Variants in ROBO1 observed in about 807,000 individuals in gnomAD.
The protein encoded by ROBO1 is roundabout guidance receptor 1.
Under a neutral mutation model 195.9 loss-of-function variants are expected in ROBO1, and 149 were observed. The observed-to-expected ratio is 0.76, with a 90% confidence interval of 0.67 to 0.87. The LOEUF is 0.87. Ranked by LOEUF, ROBO1 falls within the 40% of genes least tolerant of loss-of-function variation. ROBO1 has a pLI of 0.00. For missense variants in ROBO1, 1,933 were observed against 2,068.3 expected, an observed-to-expected ratio of 0.93 and a Z score of 1.27; for synonymous variants, 816 against 733.2, an observed-to-expected ratio of 1.11 and a Z score of -1.82.
chr3:78,796,966 C>T (rs1299641701), intron 4 of ROBO1, among the ~76,000 whole-genome samples: 1 of 152,168 alleles, frequency 6.6e-6, no homozygotes, highest in East Asian at 1.9e-4. Context: ...ATCTTTCTAT[C>T]TCTTGTACTC....
At chr3:78,958,819 C>CTTTTTT (rs753439088) in intron 3 of ROBO1, among the ~76,000 whole-genome samples, 4 of 130,606 alleles carry the variant, frequency 3.1e-5, no homozygotes, top group Admixed American at 7.9e-5. Flanking sequence ...CTTTCTTCTT[C>CTTTTTT]TTTTTTTTTT....
intron 4 of ROBO1, among the ~76,000 whole-genome samples, chr3:78,850,020 T>G (rs1313897328): frequency 1.3e-5 from 2 of 152,182 alleles, no homozygotes; most frequent in Non-Finnish European, 2.9e-5. Context: ...TGTGTTACAA[T>G]TACCTACGGT....
chr3:79,236,864 G>C (rs921165544), intron 2 of ROBO1, among the ~76,000 whole-genome samples: 4 of 152,142 alleles, frequency 2.6e-5, no homozygotes, highest in African/African-American at 4.8e-5. Flanking sequence ...AAGAATAGTG[G>C]ATAAGAGTTC....
chr3:79,601,807 A>G lies in ROBO1; in HGVS notation c.-50-11846T>C, dbSNP rs139241545. On this transcript the variant is annotated intron_variant, in intron 1 of 30. Coordinates refer to ENST00000464233, the MANE Select transcript of ROBO1 (RefSeq NM_002941.4). ...TCACATTTGCTTTCATTTTGTACACAAATTAATTTCAAACACACTGCCTTG... is the reference window on the plus strand; with the variant it reads ...TCACATTTGCTTTCATTTTGTACACGAATTAATTTCAAACACACTGCCTTG... Among the ~76,000 whole-genome samples, 199 of 152,066 alleles carry G rather than the reference A, an allele frequency of 1.3e-3. 3 individuals are homozygous for G. The East Asian group carries it at 0.035, about 27-fold the overall frequency.
At chr3:78,733,162 C>G (rs2082320061) in intron 5 of ROBO1, among the ~76,000 whole-genome samples, 1 of 151,902 alleles carries the variant, frequency 6.6e-6, no homozygotes, top group Non-Finnish European at 1.5e-5. Flanking sequence ...CTTTGAGAGA[C>G]AATATTTAAA....
intron 4 of ROBO1, among the ~76,000 whole-genome samples, chr3:78,771,680 A>C (rs375298): frequency 0.97 from 147,303 of 152,210 alleles, 71,456 homozygotes; most frequent in East Asian, 1. Context: ...AGACTGCATT[A>C]TTCATTTGGC....
intron 2 of ROBO1, among the ~76,000 whole-genome samples, chr3:79,127,128 C>CA (rs2080230566): frequency 1.3e-5 from 2 of 152,072 alleles, no homozygotes; most frequent in African/African-American, 4.8e-5. Context: ...ATAGATGCTG[C>CA]AAGTGATAAG....
chr3:78,659,918 CTTTTTT>C (rs76880412), intron 16 of ROBO1, 111 bp from the exon 17 acceptor site: 9,597 of 396,630 alleles, frequency 0.024, no homozygotes, highest in South Asian at 0.039. Flanking sequence ...TCAATATATG[CTTTTTT>C]TTTTTTTTTT....
intron 4 of ROBO1, among the ~76,000 whole-genome samples, chr3:78,872,048 G>A (rs1334876392): frequency 6.6e-6 from 1 of 152,168 alleles, no homozygotes; most frequent in Non-Finnish European, 1.5e-5. Flanking sequence ...TTTAGGTTGA[G>A]TCTAGGTCTC....
At chr3:79,143,302 T>C (rs990268650) in intron 2 of ROBO1, among the ~76,000 whole-genome samples, 1 of 152,082 alleles carries the variant, frequency 6.6e-6, no homozygotes, top group African/African-American at 2.4e-5. Flanking sequence ...CTGGTAAAAC[T>C]GCTTGCTTAC....
intron 2 of ROBO1, among the ~76,000 whole-genome samples, chr3:79,351,684 T>G (rs2035347716): frequency 6.6e-6 from 1 of 152,174 alleles, no homozygotes; most frequent in South Asian, 2.1e-4. Context: ...GACTATTTGT[T>G]GTTGCAAGTT....
intron 1 of ROBO1, among the ~76,000 whole-genome samples, chr3:79,654,647 T>C (rs1946107215): frequency 6.6e-6 from 1 of 152,014 alleles, no homozygotes; most frequent in Non-Finnish European, 1.5e-5. Context: ...TTTGCACATT[T>C]ACACATTTTC....
intron 3 of ROBO1, among the ~76,000 whole-genome samples, chr3:79,092,457 T>A (rs2079495755): frequency 6.6e-6 from 1 of 152,162 alleles, no homozygotes; most frequent in African/African-American, 2.4e-5. Context: ...AGGAAAAAGA[T>A]ATAAAATTGA....
At chr3:78,790,315 T>A (rs2083978830) in intron 4 of ROBO1, among the ~76,000 whole-genome samples, 1 of 152,206 alleles carries the variant, frequency 6.6e-6, no homozygotes, top group Non-Finnish European at 1.5e-5. Context: ...CATTATTTTT[T>A]ATTTTTTAAT....
intron 5 of ROBO1, among the ~76,000 whole-genome samples, chr3:78,745,306 C>CAAAA (rs11360584): frequency 4.2e-5 from 3 of 71,166 alleles, no homozygotes; most frequent in Non-Finnish European, 7.0e-5. Flanking sequence ...GACTCCATTT[C>CAAAA]AAAAAAAAAA....
At chr3:78,626,963 A>G (rs1036208442) in intron 26 of ROBO1, among the ~76,000 whole-genome samples, 1 of 152,194 alleles carries the variant, frequency 6.6e-6, no homozygotes, top group Non-Finnish European at 1.5e-5. Flanking sequence ...CTGACCAAAG[A>G]AGTGACTTAT....
chr3:79,020,591 C>G (rs1391324887), intron 3 of ROBO1, among the ~76,000 whole-genome samples: 1 of 152,138 alleles, frequency 6.6e-6, no homozygotes, highest in Non-Finnish European at 1.5e-5. Flanking sequence ...GCTCGGGAGG[C>G]TAAGACAGAA....
At chr3:78,753,485 G>T (rs575838070) in intron 4 of ROBO1, among the ~76,000 whole-genome samples, 105 of 152,256 alleles carry the variant, frequency 6.9e-4, no homozygotes, top group African/African-American at 2.4e-3. Context: ...TTTGTAATGT[G>T]TTCTAGAGAA....
chr3:78,855,011 T>C (rs1417059448), intron 4 of ROBO1, among the ~76,000 whole-genome samples: 3 of 152,130 alleles, frequency 2.0e-5, no homozygotes, highest in South Asian at 4.1e-4. Context: ...AGGAAGGTCA[T>C]AGAACAGAAG....
Sources: allele counts gnomAD v4.1 joint callset (sites outside exome capture counted in the v4.1 genomes callset), GRCh38; gene constraint gnomAD v4.1.1; transcripts MANE v1.5; gene names NCBI Gene and HGNC (gene_info 2026-07-23, HGNC 2026-07-21).